CDH19: variants seen among roughly 807,000 people sequenced by gnomAD.
CDH19 encodes cadherin 19.
A neutral mutation model predicts 64.2 loss-of-function variants in CDH19; 67 were observed. That is an observed-to-expected ratio of 1.04 (90% CI 0.86 to 1.28). CDH19 has a LOEUF of 1.28. Ranked by LOEUF, CDH19 falls within the 50% of genes most tolerant of loss-of-function variation. CDH19 has a pLI of 0.00. For missense variants in CDH19, 1,030 were observed against 929.0 expected (o/e 1.11, Z -1.41); for synonymous variants, 346 against 319.3 (o/e 1.08, Z -0.89).
chr18:66,555,169 T>C (rs1297220161), intron 3 of CDH19, among the ~76,000 whole-genome samples: 1 of 151,886 alleles, frequency 6.6e-6, no homozygotes, highest in African/African-American at 2.4e-5. Context: ...TATGTATACA[T>C]TTAAAATTAG....
At chr18:66,562,446 G>A (rs557445911) in intron 3 of CDH19, among the ~76,000 whole-genome samples, 10 of 152,094 alleles carry the variant, frequency 6.6e-5, no homozygotes, top group South Asian at 4.2e-4. Flanking sequence ...GACAGGAGGC[G>A]GAGCTCAGGT....
intron 3 of CDH19, among the ~76,000 whole-genome samples, chr18:66,568,079 T>C (rs79229072): frequency 0.016 from 2,400 of 151,938 alleles, 57 homozygotes; most frequent in African/African-American, 0.055. Context: ...TTTGCTTTTA[T>C]GAGATACAAA....
intron 1 of CDH19, among the ~76,000 whole-genome samples, chr18:66,592,277 A>G (rs577871395): frequency 2.0e-5 from 3 of 151,894 alleles, no homozygotes; most frequent in Non-Finnish European, 4.4e-5. Context: ...GTACATATTT[A>G]TGGGATACAG....
intron 8 of CDH19, among the ~76,000 whole-genome samples, chr18:66,530,355 G>A (rs553258725): frequency 5.9e-5 from 9 of 151,704 alleles, no homozygotes; most frequent in South Asian, 4.2e-4. Context: ...CCAATTTTAC[G>A]GATAAAAAAT....
intron 1 of CDH19, among the ~76,000 whole-genome samples, chr18:66,600,406 A>G (rs1487735332): frequency 1.3e-5 from 2 of 151,870 alleles, no homozygotes; most frequent in East Asian, 3.8e-4. Context: ...TCACTCTCTT[A>G]AAAGTCTATT....
At chr18:66,575,208 T>G (rs1599028700) in intron 1 of CDH19, among the ~76,000 whole-genome samples, 1 of 151,818 alleles carries the variant, frequency 6.6e-6, no homozygotes, top group East Asian at 1.9e-4. Flanking sequence ...TAAGTCATTT[T>G]TTATGGACTC....
chr18:66,585,923 G>T (rs1368701586), intron 1 of CDH19, among the ~76,000 whole-genome samples: 1 of 151,972 alleles, frequency 6.6e-6, no homozygotes, highest in African/African-American at 2.4e-5. Flanking sequence ...GTGTGACTCA[G>T]AACAATTATA....
chr18:66,508,888 T>C (rs1985331070), intron 11 of CDH19, 107 bp downstream of exon 11: 2 of 1,163,760 alleles, frequency 1.7e-6, no homozygotes, highest in East Asian at 5.1e-5. Context: ...GAATTAACTA[T>C]GTATTTATCA....
chr18:66,598,507 A>T (rs1183466781), intron 1 of CDH19, among the ~76,000 whole-genome samples: 1 of 152,168 alleles, frequency 6.6e-6, no homozygotes, highest in African/African-American at 2.4e-5. Context: ...CTATACAGCC[A>T]TAAAAATGAG....
chr18:66,514,235 A>G (rs1401020019), intron 9 of CDH19, among the ~76,000 whole-genome samples: 1 of 151,498 alleles, frequency 6.6e-6, no homozygotes, highest in African/African-American at 2.4e-5. Flanking sequence ...CATATTGTTC[A>G]TATCCTAGAC....
intron 1 of CDH19, among the ~76,000 whole-genome samples, chr18:66,575,825 T>C (rs1988250140): frequency 6.6e-6 from 1 of 151,802 alleles, no homozygotes; most frequent in Non-Finnish European, 1.5e-5. Flanking sequence ...TAAATTATAA[T>C]ATCATTAAAG....
chr18:66,538,725 T>C (rs962055233), intron 7 of CDH19, among the ~76,000 whole-genome samples: 3 of 152,126 alleles, frequency 2.0e-5, no homozygotes, highest in African/African-American at 7.2e-5. Flanking sequence ...AACAGGGTCA[T>C]GCTTCCTTTG....
intron 5 of CDH19, 128 bp downstream of exon 5, chr18:66,550,966 T>C (rs903330999): frequency 1.7e-5 from 9 of 518,762 alleles, no homozygotes; most frequent in African/African-American, 1.2e-4. Context: ...ACCAGAACAA[T>C]TGACAAATTT....
At chr18:66,550,239 A>T (rs1307259227) in intron 5 of CDH19, among the ~76,000 whole-genome samples, 1 of 152,152 alleles carries the variant, frequency 6.6e-6, no homozygotes, top group East Asian at 1.9e-4. Context: ...TCCTCCAATA[A>T]TTGCATAAGA....
At chr18:66,546,050 T>C (rs1235758983) in intron 5 of CDH19, among the ~76,000 whole-genome samples, 1 of 152,118 alleles carries the variant, frequency 6.6e-6, no homozygotes, top group East Asian at 1.9e-4. Context: ...TGTTAATATA[T>C]GACATTACTC....
chr18:66,543,306 C>G (rs1986966059), intron 7 of CDH19, among the ~76,000 whole-genome samples: 1 of 151,988 alleles, frequency 6.6e-6, no homozygotes, highest in African/African-American at 2.4e-5. Flanking sequence ...GGATTACAGG[C>G]GTGAGCCACC....
chr18:66,572,440 T>C (rs1198439234), intron 1 of CDH19, 124 bp from the exon 2 acceptor site: 3 of 336,096 alleles, frequency 8.9e-6, no homozygotes, highest in African/African-American at 6.3e-5. Flanking sequence ...ATTTAATTTA[T>C]CTTCCAATTA....
chr18:66,568,555 G>A lies in CDH19; in HGVS notation c.351C>T (p.Ala117=). The stretch of plus-strand genomic sequence containing the variant: ...TTCCAGTAGCGATGTCTATTACCTG[G>A]GCTCTTAAGATGTAGAGGGATCGCT... ...REERSLYILR[A]QVIDIATGRA... The change falls in exon 3 of 12, where the codon GCC becomes GCT. Residue 117 remains alanine, a synonymous_variant. Coordinates refer to ENST00000262150, the MANE Select transcript of CDH19 (RefSeq NM_021153.4). 1.9e-6 allele frequency: 3 copies of A among 1,612,226 alleles called. No homozygotes were observed. The highest frequency in any genetic ancestry group is 2.5e-6 in the Non-Finnish European group (3 of 1,178,950).
chr18:66,578,662 A>G (rs2144596952), intron 1 of CDH19, among the ~76,000 whole-genome samples: 1 of 152,044 alleles, frequency 6.6e-6, no homozygotes, highest in South Asian at 2.1e-4. Flanking sequence ...TCTACCTAAG[A>G]CAAAATAAAA....
Sources: allele counts gnomAD v4.1 joint callset (sites outside exome capture counted in the v4.1 genomes callset), GRCh38; gene constraint gnomAD v4.1.1; transcripts MANE v1.5; gene names NCBI Gene and HGNC (gene_info 2026-07-23, HGNC 2026-07-21).